The following HMGN4 variants were observed in gnomAD, a reference collection of about 807,000 sequenced individuals.
The protein encoded by HMGN4 is high mobility group nucleosome-binding domain-containing protein 4.
For missense variants in HMGN4, 69 were observed against 104.9 expected, an observed-to-expected ratio of 0.66 and a Z score of 1.49; for synonymous variants, 39 against 39.1, an observed-to-expected ratio of 1.00 and a Z score of 0.01.
intron 1 of HMGN4, among the ~76,000 whole-genome samples, chr6:26,543,329 T>C (rs1764308317): frequency 6.6e-6 from 1 of 151,236 alleles, no homozygotes; most frequent in Non-Finnish European, 1.5e-5. Flanking sequence ...TAGCAATAAA[T>C]TCATGTAATG....
At chr6:26,539,413 G>A (rs1399589537) in intron 1 of HMGN4, among the ~76,000 whole-genome samples, 2 of 152,038 alleles carry the variant, frequency 1.3e-5, no homozygotes, top group African/African-American at 4.8e-5. Context: ...GGGACTACAG[G>A]TGTGTAACAC....
At chr6:26,540,591 C>A (rs1219948708) in intron 1 of HMGN4, among the ~76,000 whole-genome samples, 1 of 152,218 alleles carries the variant, frequency 6.6e-6, no homozygotes, top group Non-Finnish European at 1.5e-5. Flanking sequence ...GCCTCCACCT[C>A]CCAAAGTGCT....
chr6:26,544,171 T>A (rs557545385), intron 1 of HMGN4, among the ~76,000 whole-genome samples: 5 of 152,198 alleles, frequency 3.3e-5, no homozygotes, highest in Non-Finnish European at 7.3e-5. Flanking sequence ...CCCCCATCTC[T>A]GGACTAACCT....
chr6:26,539,295 GT>G (rs1429312424), intron 1 of HMGN4, among the ~76,000 whole-genome samples: 10 of 152,262 alleles, frequency 6.6e-5, no homozygotes, highest in African/African-American at 2.2e-4. Context: ...TTGTTTGTTT[GT>G]TTTTGAGACG....
intron 1 of HMGN4, among the ~76,000 whole-genome samples, chr6:26,543,290 A>G (rs894006773): frequency 6.6e-6 from 1 of 152,004 alleles, no homozygotes; most frequent in Non-Finnish European, 1.5e-5. Flanking sequence ...TTAATGTTGC[A>G]TTTGAAATAA....
Position 26,545,474 on chromosome 6 carries a change from A to C in HMGN4, c.268A>C (p.Lys90Gln), listed in dbSNP as rs1202738294. 6.4e-7 allele frequency: 1 copy of C among 1,550,722 alleles called. No individual in the cohort carries two copies. The highest frequency in any genetic ancestry group is 1.2e-5 in the South Asian group (1 of 81,298). ...SQKAEGTGDA[K>Q] is the part of the protein sequence containing the mutation. ...GAAAGCGGAAGGCACTGGGGATGCCAAGTGAAATGTACATTTTTGAGAGCT... is the reference window on the plus strand; with the variant it reads ...GAAAGCGGAAGGCACTGGGGATGCCCAGTGAAATGTACATTTTTGAGAGCT... Residue 90 changes from lysine (K) to glutamine (Q), a missense_variant, in exon 2 of 2, where the codon AAG (lysine) becomes CAG (glutamine). Coordinates refer to ENST00000377575, the MANE Select transcript of HMGN4 (RefSeq NM_006353.3).
At position 26,545,430 on chromosome 6, in the gene HMGN4, C is replaced by G. The variant is rs1305406459; in HGVS notation, c.224C>G (p.Ala75Gly). Residue 75 changes from alanine to glycine, a missense_variant, in exon 2 of 2, where the codon GCC becomes GGC. Physicochemically the swap from Ala to Gly is moderately conservative, Grantham distance 60. Coordinates refer to ENST00000377575, the MANE Select transcript of HMGN4 (RefSeq NM_006353.3). The stretch of plus-strand genomic sequence containing the variant: ...AACAACCCTGCAAAAAACCGAGATG[C>G]CTCTACACTCCAGTCCCAGAAAGCG... Reference protein sequence around the residue: ...DGNNPAKNRDASTLQSQKAEG... With the variant: ...DGNNPAKNRDGSTLQSQKAEG... 3 of 1,602,858 alleles carry G rather than the reference C, an allele frequency of 1.9e-6. No homozygotes were observed. Among genetic ancestry groups the G allele is most frequent in the Non-Finnish European group, 2.6e-6 (3 of 1,175,848 alleles).
At chr6:26,540,711 T>G (rs1252897339) in intron 1 of HMGN4, among the ~76,000 whole-genome samples, 1 of 152,176 alleles carries the variant, frequency 6.6e-6, no homozygotes, top group Non-Finnish European at 1.5e-5. Flanking sequence ...CTTAACTTTC[T>G]TCCAGATCTT....
intron 1 of HMGN4, among the ~76,000 whole-genome samples, chr6:26,539,634 TAAAAAA>T (rs61003052): frequency 8.0e-6 from 1 of 125,194 alleles, no homozygotes. Flanking sequence ...TCCGCAAAAT[TAAAAAA>T]AAAAAAAAAA....
At chr6:26,541,528 A>C (rs531522177) in intron 1 of HMGN4, among the ~76,000 whole-genome samples, 2 of 152,326 alleles carry the variant, frequency 1.3e-5, no homozygotes, top group Admixed American at 1.3e-4. Flanking sequence ...GCCACCTCCC[A>C]CTACATCCTT....
chr6:26,540,934 G>A (rs181846554), intron 1 of HMGN4, among the ~76,000 whole-genome samples: 61 of 152,274 alleles, frequency 4.0e-4, no homozygotes, highest in African/African-American at 1.4e-3. Context: ...GAATGAGGTG[G>A]CATTTTGGTC....
chr6:26,545,368 A>G lies in HMGN4; in HGVS notation c.162A>G (p.Lys54=). 1 of 1,614,124 alleles carries G rather than the reference A, an allele frequency of 6.2e-7. No homozygotes were observed. The highest frequency in any genetic ancestry group is 8.5e-7 in the Non-Finnish European group (1 of 1,180,008). The stretch of plus-strand genomic sequence containing the variant: ...CAAAGAAGGGAGAGAAGCTTCCCAA[A>G]GGGAGAAAGGGGAAAGCAGATGCTG... The part of the protein sequence containing the change: ...ASAKKGEKLP[K]GRKGKADAGK... The change falls in exon 2 of 2, where the codon AAA becomes AAG. Residue 54 remains lysine (K), a synonymous_variant. Coordinates refer to ENST00000377575, the MANE Select transcript of HMGN4 (RefSeq NM_006353.3).
Position 26,545,330 on chromosome 6 carries a change from A to T in HMGN4, c.124A>T (p.Lys42Ter). 6.2e-7 allele frequency: 1 copy of T among 1,613,976 alleles called. No individual in the cohort carries two copies. The highest frequency in any genetic ancestry group is 8.5e-7 in the Non-Finnish European group (1 of 1,179,906). The change falls in exon 2 of 2, where the codon AAA becomes TAA. Residue 42 changes from lysine (K) to a stop codon, truncating the protein, a stop_gained. Transcript: ENST00000377575. LOFTEE classifies it low-confidence loss of function (END_TRUNC). ...TCCTCCAAAACCAGAGCCCAGGCCT[A>T]AAAAGGCCTCTGCAAAGAAGGGAGA... ...PAPPKPEPRP[K>*]KASAKKGEKL...
rs1210152477 is a variant in HMGN4, at chr6:26,542,975, A to T, written c.-80-2152A>T. On this transcript the variant is annotated intron_variant, in intron 1 of 1. Coordinates refer to ENST00000377575, the MANE Select transcript of HMGN4 (RefSeq NM_006353.3). This position sits in a 1 kb window ranked among gnomAD's most constrained non-coding sequence, Gnocchi z 4.6. ...CAATTTTGGAGTGAGATGGAAGGAG[A>T]ATGGTATGGAGTATCTATTCTTAGG... is the stretch of plus-strand genomic sequence containing the variant. 6.6e-6 allele frequency among the ~76,000 whole-genome samples: 1 copy of T among 152,128 alleles called. No homozygotes were observed. The highest frequency in any genetic ancestry group is 1.9e-4 in the East Asian group (1 of 5,194).
Position 26,545,630 on chromosome 6 carries a change from A to G in HMGN4, c.*151A>G. 1 of 552,652 alleles carries G rather than the reference A, an allele frequency of 1.8e-6. No homozygotes were observed. The highest frequency in any genetic ancestry group is 3.4e-5 in the East Asian group (1 of 29,792). 34.2% of individuals were successfully genotyped at this position (552,652 alleles called of 1,614,324 possible). A position where few individuals can be genotyped will look rare whatever the true frequency, so the allele number is the denominator to read the frequency against. On this transcript the variant is annotated 3_prime_UTR_variant, in exon 2 of 2. Coordinates refer to ENST00000377575, the MANE Select transcript of HMGN4 (RefSeq NM_006353.3). ...CACTTCCTTGTTGTCTTTTGTGGAA[A>G]GGGCAAGTACCACTAATAGGGTGTA...
chr6:26,539,654 GAAAAGAAAA>G (rs1764264917), intron 1 of HMGN4, among the ~76,000 whole-genome samples: 1 of 135,064 alleles, frequency 7.4e-6, no homozygotes, highest in Non-Finnish European at 1.6e-5. Flanking sequence ...AAAAAAAAAA[GAAAAGAAAA>G]GAAAGAAAAG....
Position 26,542,981 on chromosome 6 carries a change from A to G in HMGN4, c.-80-2146A>G, listed in dbSNP as rs1260903493. Among the ~76,000 whole-genome samples, 3 of 152,184 alleles carry G rather than the reference A, an allele frequency of 2.0e-5. No individual in the cohort carries two copies. The highest frequency in any genetic ancestry group is 4.4e-5 in the Non-Finnish European group (3 of 68,036). On this transcript the variant is annotated intron_variant, in intron 1 of 1. Coordinates refer to ENST00000377575, the MANE Select transcript of HMGN4 (RefSeq NM_006353.3). This position sits in a 1 kb window ranked among gnomAD's most constrained non-coding sequence, Gnocchi z 4.6. ...TGGAGTGAGATGGAAGGAGAATGGT[A>G]TGGAGTATCTATTCTTAGGGAAATG... is the stretch of plus-strand genomic sequence containing the variant.
chr6:26,540,289 C>T (rs1716924590), intron 1 of HMGN4, among the ~76,000 whole-genome samples: 1 of 152,068 alleles, frequency 6.6e-6, no homozygotes, highest in African/African-American at 2.4e-5. Context: ...CACCATGTGA[C>T]CTCTTGCTTC....
chr6:26,544,290 C>G (rs910118266), intron 1 of HMGN4, among the ~76,000 whole-genome samples: 1 of 152,108 alleles, frequency 6.6e-6, no homozygotes, highest in African/African-American at 2.4e-5. Context: ...GTGGCCTCAA[C>G]ATGTCATAGT....
Sources: allele counts gnomAD v4.1 joint callset (sites outside exome capture counted in the v4.1 genomes callset), GRCh38; gene constraint gnomAD v4.1.1; non-coding constraint Gnocchi (gnomAD v3.1); transcripts MANE v1.5; gene names NCBI Gene and HGNC (gene_info 2026-07-23, HGNC 2026-07-21).